MAGI2: variants seen among roughly 807,000 people sequenced by gnomAD.
MAGI2 encodes membrane-associated guanylate kinase, WW and PDZ domain-containing protein 2.
Under a neutral mutation model 133.3 loss-of-function variants are expected in MAGI2, and 35 were observed. The observed-to-expected ratio is 0.26, with a 90% CI of 0.20 to 0.35. The LOEUF is 0.35. Ranked by LOEUF, MAGI2 falls within the 10% of genes least tolerant of loss-of-function variation. The pLI is 1.00. For missense variants in MAGI2, 1,636 were observed against 1,863.4 expected, an observed-to-expected ratio of 0.88 and a Z score of 2.25; for synonymous variants, 729 against 710.6, an observed-to-expected ratio of 1.03 and a Z score of -0.41.
chr7:79,173,251 T>C (rs542922491), intron 1 of MAGI2, among the ~76,000 whole-genome samples: 2 of 151,896 alleles, frequency 1.3e-5, no homozygotes, highest in South Asian at 2.1e-4. Context: ...CTCAGAGAAA[T>C]AAAAAAAGCA....
intron 2 of MAGI2, among the ~76,000 whole-genome samples, chr7:78,882,438 C>T (rs1224392554): frequency 6.6e-6 from 1 of 151,998 alleles, no homozygotes. Context: ...ACCAGACACA[C>T]ACAGAAAAAC....
chr7:78,822,140 G>A (rs1235618483), intron 2 of MAGI2, among the ~76,000 whole-genome samples: 2 of 151,942 alleles, frequency 1.3e-5, no homozygotes, highest in African/African-American at 4.8e-5. Context: ...TAAAAAGATC[G>A]ATTCCCATGG....
At chr7:79,358,467 C>A (rs559917096) in intron 1 of MAGI2, among the ~76,000 whole-genome samples, 1 of 151,850 alleles carries the variant, frequency 6.6e-6, no homozygotes, top group South Asian at 2.1e-4. Context: ...TAACTAGATG[C>A]AATATATATG....
intron 16 of MAGI2, among the ~76,000 whole-genome samples, chr7:78,158,704 T>A (rs1824646008): frequency 6.6e-6 from 1 of 152,172 alleles, no homozygotes; most frequent in Non-Finnish European, 1.5e-5. Flanking sequence ...ACAAAATTGA[T>A]AACAGCTCTT....
At position 78,891,648 on chromosome 7, in the gene MAGI2, T is replaced by C. The variant is rs573646817; in HGVS notation, c.418+115442A>G. On this transcript the variant is annotated intron_variant, in intron 2 of 21. Transcript: ENST00000354212. ...AAAACTACAAGATTATCTCAATAGA[T>C]GCAGAAAAGGCCTTTGACAAAATTC... is the stretch of plus-strand genomic sequence containing the variant. 3.9e-5 allele frequency among the ~76,000 whole-genome samples: 6 copies of C among 152,360 alleles called. No individual in the cohort carries two copies. In the South Asian group the frequency reaches 1.2e-3, roughly 32 times the overall value.
At chr7:78,989,971 A>G (rs763623020) in intron 2 of MAGI2, among the ~76,000 whole-genome samples, 16 of 152,116 alleles carry the variant, frequency 1.1e-4, no homozygotes, top group Non-Finnish European at 2.2e-4. Flanking sequence ...GTAGAATTCC[A>G]GAAGGTAGCT....
At chr7:78,441,827 A>C (rs997108066) in intron 6 of MAGI2, among the ~76,000 whole-genome samples, 4 of 152,180 alleles carry the variant, frequency 2.6e-5, no homozygotes, top group African/African-American at 9.6e-5. Flanking sequence ...TTCCGGTTAG[A>C]TATACCTGTT....
chr7:78,543,074 T>C (rs766756878), intron 3 of MAGI2, among the ~76,000 whole-genome samples: 4 of 152,186 alleles, frequency 2.6e-5, no homozygotes, highest in Non-Finnish European at 5.9e-5. Context: ...TAAAACCAAT[T>C]CAACTAGAGA....
intron 9 of MAGI2, among the ~76,000 whole-genome samples, chr7:78,258,047 C>G (rs1366118129): frequency 6.6e-6 from 1 of 152,142 alleles, no homozygotes; most frequent in Non-Finnish European, 1.5e-5. Flanking sequence ...TCCCTCTTCC[C>G]AAATTGACAG....
intron 1 of MAGI2, among the ~76,000 whole-genome samples, chr7:79,096,701 T>A (rs1315329520): frequency 6.6e-6 from 1 of 152,206 alleles, no homozygotes; most frequent in African/African-American, 2.4e-5. Context: ...ACTATTAATA[T>A]GATTCATCAA....
intron 1 of MAGI2, among the ~76,000 whole-genome samples, chr7:79,351,265 C>T (rs937771661): frequency 6.6e-6 from 1 of 152,036 alleles, no homozygotes; most frequent in African/African-American, 2.4e-5. Context: ...TATAGTGAAT[C>T]AAAATATCAT....
chr7:78,311,316 T>G (rs1351731504), intron 9 of MAGI2, among the ~76,000 whole-genome samples: 1 of 152,136 alleles, frequency 6.6e-6, no homozygotes, highest in African/African-American at 2.4e-5. Context: ...AGCAATGCCA[T>G]AGAACAAGGG....
At chr7:79,113,467 C>T (rs569324423) in intron 1 of MAGI2, among the ~76,000 whole-genome samples, 133 of 152,266 alleles carry the variant, frequency 8.7e-4, no homozygotes, top group Non-Finnish European at 1.5e-3. Flanking sequence ...CAGAAGGCAA[C>T]ACAACTCTAA....
At chr7:78,928,073 C>A (rs1237325280) in intron 2 of MAGI2, among the ~76,000 whole-genome samples, 4 of 151,814 alleles carry the variant, frequency 2.6e-5, no homozygotes, top group Non-Finnish European at 5.9e-5. Flanking sequence ...CTTTTCCTTC[C>A]CCTGTGGACT....
At chr7:79,213,205 T>TATAG (rs1293549399) in intron 1 of MAGI2, among the ~76,000 whole-genome samples, 1 of 123,584 alleles carries the variant, frequency 8.1e-6, no homozygotes, top group African/African-American at 2.5e-5. Flanking sequence ...GATTTTTCTG[T>TATAG]ATTTTTCTGT....
intron 2 of MAGI2, among the ~76,000 whole-genome samples, chr7:78,954,158 T>C (rs1465852880): frequency 6.6e-6 from 1 of 152,078 alleles, no homozygotes; most frequent in Admixed American, 6.6e-5. Context: ...GCCTCCTCAT[T>C]TAATATTCAG....
chr7:78,354,047 A>G (rs185010654), intron 7 of MAGI2, among the ~76,000 whole-genome samples: 18 of 152,300 alleles, frequency 1.2e-4, no homozygotes, highest in East Asian at 5.8e-4. Flanking sequence ...CCAAGTAGGA[A>G]AGCTGTGGTT....
intron 1 of MAGI2, among the ~76,000 whole-genome samples, chr7:79,403,579 A>G (rs1010342959): frequency 2.0e-5 from 3 of 152,170 alleles, no homozygotes; most frequent in African/African-American, 7.2e-5. Flanking sequence ...AAAGCACAGT[A>G]TTGAATTCCA....
At chr7:78,554,098 T>A (rs1799586968) in intron 3 of MAGI2, among the ~76,000 whole-genome samples, 1 of 152,244 alleles carries the variant, frequency 6.6e-6, no homozygotes, top group Non-Finnish European at 1.5e-5. Context: ...GGAAAATGCA[T>A]TCTGAGATGC....
Sources: allele counts gnomAD v4.1 joint callset (sites outside exome capture counted in the v4.1 genomes callset), GRCh38; gene constraint gnomAD v4.1.1; transcripts MANE v1.5; gene names NCBI Gene and HGNC (gene_info 2026-07-23, HGNC 2026-07-21).